Variants in TNS4 observed in about 807,000 individuals in gnomAD.
The protein encoded by TNS4 is tensin 4.
In TNS4, 46 loss-of-function variants were observed where a neutral mutation model predicts 70.4. The ratio of observed to expected loss-of-function variants is 0.65; its 90% CI spans 0.52 to 0.84. TNS4 has a LOEUF of 0.84. Among genes scored for constraint, TNS4 ranks in the 40% least tolerant of loss-of-function variants. The probability of loss-of-function intolerance (pLI) is 0.00; values close to 1 mark genes in which losing one functional copy is unlikely to be tolerated. For synonymous variants in TNS4, 390 were observed against 366.6 expected (o/e 1.06, Z -0.73); for missense variants, 863 against 907.0 (o/e 0.95, Z 0.62).
At chr17:40,480,147 T>A (rs2035902835) in intron 9 of TNS4, 1 of 370,194 alleles carries the variant, frequency 2.7e-6, no homozygotes, top group African/African-American at 2.1e-5. Flanking sequence ...ACTTAACGGC[T>A]GCTCTCCTCC....
chr17:40,480,848 T>C (rs1332659688), intron 8 of TNS4, 80 bp from the exon 9 acceptor site: 1 of 1,469,324 alleles, frequency 6.8e-7, no homozygotes, highest in Admixed American at 2.0e-5. Context: ...ACAGGCCTCA[T>C]GAATCCCTTT....
chr17:40,487,304 T>A lies in TNS4; in HGVS notation c.1020A>T (p.Leu340=). Reference sequence around the variant, plus strand: ...GGGGTGTTCTGGGTTGGCCCATGGTTAGGGTGGGGTTTCTGGGAGCCTGGA... The same window carrying A: ...GGGGTGTTCTGGGTTGGCCCATGGTAAGGGTGGGGTTTCTGGGAGCCTGGA... ...SDFQAPRNPT[L]TMGQPRTPHS... The change falls in exon 4 of 13, where the codon CTA becomes CTT. Residue 340 remains leucine, a synonymous_variant. Transcript: ENST00000254051. 1 of 1,614,084 alleles carries A rather than the reference T, an allele frequency of 6.2e-7. No individual in the cohort carries two copies. The highest frequency in any genetic ancestry group is 8.5e-7 in the Non-Finnish European group (1 of 1,180,010).
intron 2 of TNS4, among the ~76,000 whole-genome samples, chr17:40,489,212 A>G (rs2036034708): frequency 1.3e-5 from 2 of 152,170 alleles, no homozygotes; most frequent in Non-Finnish European, 2.9e-5. Flanking sequence ...AGACAGACCC[A>G]GGCTTCAGAT....
At chr17:40,481,646 G>A (rs1337409833) in intron 8 of TNS4, among the ~76,000 whole-genome samples, 3 of 152,254 alleles carry the variant, frequency 2.0e-5, no homozygotes, top group African/African-American at 7.2e-5. Context: ...GATTACAGGC[G>A]TGAGTCACCA....
intron 2 of TNS4, among the ~76,000 whole-genome samples, chr17:40,491,458 G>T (rs1234481319): frequency 6.6e-6 from 1 of 152,234 alleles, no homozygotes; most frequent in Non-Finnish European, 1.5e-5. Context: ...CACAGCCAGG[G>T]AGTGTTGTTG....
chr17:40,479,491 G>A lies in TNS4; in HGVS notation c.1910+183C>T, dbSNP rs553691443. On this transcript the variant is annotated intron_variant, in intron 10 of 12. Coordinates refer to ENST00000254051, the MANE Select transcript of TNS4 (RefSeq NM_032865.6). ...TCAGTCATGATGAACAGGGGCTTTG[G>A]CAGTGGAGTGAGGCCTGGAGGAGGC... 1.7e-4 allele frequency among the ~76,000 whole-genome samples: 26 copies of A among 152,344 alleles called. 1 individual carries two copies. The South Asian group carries it at 5.2e-3, about 30-fold the overall frequency.
At chr17:40,499,720 CAGCTGAGGACACAGAGCCGGAACCA>C (rs2036189352) in intron 1 of TNS4, among the ~76,000 whole-genome samples, 1 of 152,224 alleles carries the variant, frequency 6.6e-6, no homozygotes, top group Non-Finnish European at 1.5e-5. Context: ...CCTCCCGGGA[CAGCTGAGGACACAGAGCCGGAACCA>C]CGGCTTTTTC....
Position 40,478,155 on chromosome 17 carries a change from T to C in TNS4, c.2006+152A>G, listed in dbSNP as rs924105032. ...AACAGCCCAGAGGCTCTGAGGGCAG[T>C]CAAAGTCTTTCCCATCAGATGGGAG... is the stretch of plus-strand genomic sequence containing the variant. On this transcript the variant is annotated intron_variant, in intron 12 of 12. Transcript: ENST00000254051. The C allele has an allele frequency of 5.0e-6, 5 of 997,034 alleles. No homozygotes were observed. In the African/African-American group the frequency reaches 8.2e-5, roughly 16 times the overall value. 61.8% of individuals were successfully genotyped at this position (997,034 alleles called of 1,614,324 possible). A position where few individuals can be genotyped will look rare whatever the true frequency, so the allele number is the denominator to read the frequency against.
chr17:40,495,377 G>T (rs1227073609), intron 2 of TNS4, among the ~76,000 whole-genome samples: 1 of 152,056 alleles, frequency 6.6e-6, no homozygotes, highest in African/African-American at 2.4e-5. Context: ...TGGCCACAGT[G>T]GGAGAATTCA....
chr17:40,486,895 T>C, intron 4 of TNS4, 141 bp downstream of exon 4: 1 of 1,107,976 alleles, frequency 9.0e-7, no homozygotes, highest in South Asian at 1.5e-5. Context: ...TGTTTCCCTC[T>C]GTGTGTCCTC....
In TNS4 at chr17:40,488,696, CTCCCCA is replaced by C; in HGVS notation, c.707_712del (p.Met236_Gly237del). 1 of 1,583,942 alleles carries C rather than the reference CTCCCCA, an allele frequency of 6.3e-7. No individual in the cohort carries two copies. Among genetic ancestry groups the C allele is most frequent in the Non-Finnish European group, 8.6e-7 (1 of 1,164,286 alleles). Reference sequence around the variant, plus strand: ...CAAACCATGGGGGCTCGAGGCCTTGCTCCCCATGCAAGGGATTGAGATGCTGGGGGA... The same window carrying C: ...CAAACCATGGGGGCTCGAGGCCTTGCTGCAAGGGATTGAGATGCTGGGGGA... On this transcript the variant is annotated inframe_deletion, in exon 3 of 13. Coordinates refer to ENST00000254051, the MANE Select transcript of TNS4 (RefSeq NM_032865.6).
In TNS4 at chr17:40,482,150, T is replaced by G. The variant is rs752408601; in HGVS notation, c.1651A>C (p.Lys551Gln). The G allele has an allele frequency of 3.7e-6, 6 of 1,614,184 alleles. No individual in the cohort carries two copies. The highest frequency in any genetic ancestry group is 5.1e-6 in the Non-Finnish European group (6 of 1,180,026). The change falls in exon 8 of 13, where the codon AAA becomes CAA. Residue 551 changes from lysine (K) to glutamine (Q), a missense_variant. By Grantham distance (53) the Lys-to-Gln change is moderately conservative. Transcript: ENST00000254051. ...CCACCTCTCTGTGGGATGGTGAGTT[T>G]GCAGGGCAGGGCCAGGGCCATGATG... Reference protein sequence around the residue: ...HSIMALALPCKLTIPQRELGG... With the variant: ...HSIMALALPCQLTIPQRELGG...
At chr17:40,500,755 C>G (rs115756454) in intron 1 of TNS4, among the ~76,000 whole-genome samples, 8 of 152,244 alleles carry the variant, frequency 5.3e-5, no homozygotes, top group African/African-American at 1.9e-4. Flanking sequence ...CCAATCTCCA[C>G]TGCACCCCCT....
chr17:40,479,611 C>T (rs536367783), intron 10 of TNS4, 63 bp downstream of exon 10: 3 of 1,561,162 alleles, frequency 1.9e-6, no homozygotes, highest in East Asian at 4.5e-5. Flanking sequence ...GCAGCTGTCT[C>T]AGCTATCCCC....
chr17:40,477,775 C>G (rs771171775), intron 12 of TNS4, 46 bp from the exon 13 acceptor site: 1 of 1,580,706 alleles, frequency 6.3e-7, no homozygotes, highest in African/African-American at 1.3e-5. Context: ...CCCAGGGAGG[C>G]ATCAGGCTGG....
intron 2 of TNS4, among the ~76,000 whole-genome samples, chr17:40,493,329 G>C (rs1323816240): frequency 6.6e-6 from 1 of 152,206 alleles, no homozygotes; most frequent in African/African-American, 2.4e-5. Flanking sequence ...GGAAGGATGA[G>C]ATTGTAAAAT....
At chr17:40,484,829 A>G in intron 5 of TNS4, 92 bp downstream of exon 5, 1 of 1,491,660 alleles carries the variant, frequency 6.7e-7, no homozygotes. Flanking sequence ...AGGACCCACT[A>G]TTTGCCATTC....
rs5820349 is a variant in TNS4, at chr17:40,494,729, C to CA, written c.439+1257dup. Among the ~76,000 whole-genome samples the CA allele has an allele frequency of 4.6e-3, 490 of 106,056 alleles. 7 individuals are homozygous for CA. The highest frequency in any genetic ancestry group is 0.016 in the African/African-American group (463 of 28,510). 69.6% of individuals were successfully genotyped at this position (106,056 alleles called of 152,430 possible). A position where few individuals can be genotyped will look rare whatever the true frequency, so the allele number is the denominator to read the frequency against. On this transcript the variant is annotated intron_variant, in intron 2 of 12. Coordinates refer to ENST00000254051, the MANE Select transcript of TNS4 (RefSeq NM_032865.6). ...CCTGGGTGACAGTGAGACTCCATTG[C>CA]AAAAAAAAAAAAAAAAAAAAAATTC...
Position 40,488,932 on chromosome 17 carries a change from C to G in TNS4, c.477G>C (p.Arg159Ser), listed in dbSNP as rs753617485. 2 of 1,595,636 alleles carry G rather than the reference C, an allele frequency of 1.3e-6. No homozygotes were observed. Among genetic ancestry groups the G allele is most frequent in the East Asian group, 2.2e-5 (1 of 44,732 alleles). The part of the protein sequence containing the change: ...KYIEVTSARS[R>S]CHDGPQHCSS... ...AGCAGTGCTGGGGGCCATCGTGGCA[C>G]CTTGATCTGGCGGAGGTCACCTCGA... The change falls in exon 3 of 13, where the codon AGG (arginine) becomes AGC (serine). Residue 159 changes from arginine to serine, a missense_variant. Transcript: ENST00000254051.
Sources: allele counts gnomAD v4.1 joint callset (sites outside exome capture counted in the v4.1 genomes callset), GRCh38; gene constraint gnomAD v4.1.1; transcripts MANE v1.5; gene names NCBI Gene and HGNC (gene_info 2026-07-23, HGNC 2026-07-21).